The following DACH1 variants were observed in gnomAD, a reference collection of about 807,000 sequenced individuals.
DACH1 encodes the protein dachshund homolog 1.
Under a neutral mutation model 54.2 loss-of-function variants are expected in DACH1, and 12 were observed. The observed-to-expected ratio is 0.22, with a 90% CI of 0.14 to 0.36. The LOEUF (loss-of-function observed/expected upper bound fraction) is 0.36. DACH1 is among the 10% of genes least tolerant of loss of function. The pLI is 1.00. For synonymous variants in DACH1, 386 were observed against 366.2 expected (o/e 1.05, Z -0.62); for missense variants, 805 against 929.8 (o/e 0.87, Z 1.75).
At chr13:71,455,445 C>T (rs1357553381) in intron 10 of DACH1, among the ~76,000 whole-genome samples, 2 of 151,992 alleles carry the variant, frequency 1.3e-5, no homozygotes, top group African/African-American at 4.8e-5. Context: ...TCCTAGGGTG[C>T]TTTGATTGTA....
intron 1 of DACH1, among the ~76,000 whole-genome samples, chr13:71,808,626 A>G (rs1294625157): frequency 2.0e-5 from 3 of 152,198 alleles, no homozygotes; most frequent in Admixed American, 1.3e-4. Context: ...TCATTTGGTC[A>G]TTGATTTCAA....
In DACH1 at chr13:71,582,756, T is replaced by G. The variant is rs534611313; in HGVS notation, c.1127-9744A>C. Among the ~76,000 whole-genome samples the G allele has an allele frequency of 2.4e-4, 37 of 152,288 alleles. 2 individuals are homozygous for G. In the South Asian group the frequency reaches 7.5e-3, roughly 31 times the overall value. On this transcript the variant is annotated intron_variant, in intron 3 of 10. Coordinates refer to ENST00000613252, the MANE Select transcript of DACH1 (RefSeq NM_080759.6). ...TTCTGACCATAGCTTCTATTATACA[T>G]AGTAAAGACATTCTATTCGAAGCAC...
chr13:71,588,839 G>A lies in DACH1; in HGVS notation c.1127-15827C>T, dbSNP rs532254621. On this transcript the variant is annotated intron_variant, in intron 3 of 10. Transcript: ENST00000613252. ...CTCCCTTTCTTTAATTTTTTCTATAGTTATCTGCCAAAAGCAATCCATAAA... is the reference window on the plus strand; with the variant it reads ...CTCCCTTTCTTTAATTTTTTCTATAATTATCTGCCAAAAGCAATCCATAAA... Among the ~76,000 whole-genome samples, 6 of 151,806 alleles carry A rather than the reference G, an allele frequency of 4.0e-5. No homozygotes were observed. In the South Asian group the frequency reaches 1.2e-3, roughly 32 times the overall value.
At chr13:71,657,532 A>T (rs1879198591) in intron 2 of DACH1, among the ~76,000 whole-genome samples, 2 of 147,978 alleles carry the variant, frequency 1.4e-5, no homozygotes, top group African/African-American at 2.5e-5. Context: ...TTATTCTTTT[A>T]TTCTTACTCC....
At chr13:71,848,459 A>G (rs139303351) in intron 1 of DACH1, among the ~76,000 whole-genome samples, 187 of 152,320 alleles carry the variant, frequency 1.2e-3, no homozygotes, top group African/African-American at 4.2e-3. Flanking sequence ...AAGAACAAAA[A>G]TAGATTTTTC....
chr13:71,808,309 C>G (rs1408045059), intron 1 of DACH1, among the ~76,000 whole-genome samples: 1 of 152,076 alleles, frequency 6.6e-6, no homozygotes, highest in Non-Finnish European at 1.5e-5. Flanking sequence ...CATTATTCCA[C>G]AAACCTGTTT....
At chr13:71,806,296 G>T (rs1350853052) in intron 1 of DACH1, among the ~76,000 whole-genome samples, 1 of 152,040 alleles carries the variant, frequency 6.6e-6, no homozygotes, top group Non-Finnish European at 1.5e-5. Context: ...AGAGTGTTTT[G>T]CTGAGACTTA....
Position 71,866,526 on chromosome 13 carries a change from T to TGCCGCTGCCGCC in DACH1, c.243_244insGGCGGCAGCGGC (p.Gly81_Ser82insGlyGlySerGly). 8.1e-7 allele frequency: 1 copy of TGCCGCTGCCGCC among 1,233,676 alleles called. No homozygotes were observed. The highest frequency in any genetic ancestry group is 3.4e-5 in the East Asian group (1 of 29,428). The allele number at this position is 1,233,676 out of a possible 1,614,324, so 76.4% of individuals were successfully genotyped here. ...CCGCTGCTGCCGCCGCCGCCTCCGC[T>TGCCGCTGCCGCC]GCCGCCGCCGCCGCCGCCGCCGCCG... On this transcript the variant is annotated inframe_insertion, in exon 1 of 11. Coordinates refer to ENST00000613252, the MANE Select transcript of DACH1 (RefSeq NM_080759.6).
At chr13:71,802,480 G>T (rs1027488255) in intron 1 of DACH1, among the ~76,000 whole-genome samples, 2 of 151,900 alleles carry the variant, frequency 1.3e-5, no homozygotes, top group African/African-American at 4.8e-5. Context: ...GAAAGACAAA[G>T]AATTAGAAAA....
intron 10 of DACH1, among the ~76,000 whole-genome samples, chr13:71,473,735 A>C (rs1877281136): frequency 6.6e-6 from 1 of 152,156 alleles, no homozygotes; most frequent in African/African-American, 2.4e-5. Context: ...TGTGTATATC[A>C]GATGATTTAT....
intron 3 of DACH1, among the ~76,000 whole-genome samples, chr13:71,629,625 A>C (rs982192601): frequency 6.6e-6 from 1 of 152,172 alleles, no homozygotes; most frequent in Admixed American, 6.6e-5. Context: ...GAGAGCTGAC[A>C]ATTAACTTAA....
At chr13:71,607,390 G>A (rs2138507467) in intron 3 of DACH1, among the ~76,000 whole-genome samples, 1 of 151,958 alleles carries the variant, frequency 6.6e-6, no homozygotes, top group African/African-American at 2.4e-5. Context: ...GATTGTACAG[G>A]TACTAAGCCA....
At position 71,671,051 on chromosome 13, in the gene DACH1, A is replaced by G. The variant is rs1046944905; in HGVS notation, c.964+10744T>C. ...AAAGTTCAAGGTCTTTCATTTAAAT[A>G]TCTTTAGGGTTTATGTCATTGTTTT... On this transcript the variant is annotated intron_variant, in intron 2 of 10. Coordinates refer to ENST00000613252, the MANE Select transcript of DACH1 (RefSeq NM_080759.6). Among the ~76,000 whole-genome samples, 4 of 152,048 alleles carry G rather than the reference A, an allele frequency of 2.6e-5. No homozygotes were observed. In the East Asian group the frequency reaches 5.8e-4, roughly 22 times the overall value.
intron 1 of DACH1, among the ~76,000 whole-genome samples, chr13:71,702,988 G>A (rs1456873055): frequency 6.6e-6 from 1 of 152,042 alleles, no homozygotes; most frequent in Non-Finnish European, 1.5e-5. Context: ...CATATTTATT[G>A]CCATCTCAAC....
chr13:71,729,359 T>C (rs1043879027), intron 1 of DACH1, among the ~76,000 whole-genome samples: 1 of 152,062 alleles, frequency 6.6e-6, no homozygotes, highest in Admixed American at 6.5e-5. Flanking sequence ...TTTTAAGAGA[T>C]ACTTATTTAA....
intron 1 of DACH1, among the ~76,000 whole-genome samples, chr13:71,775,933 A>G (rs182602002): frequency 6.6e-6 from 1 of 152,288 alleles, no homozygotes; most frequent in East Asian, 1.9e-4. Context: ...TCATAGCACA[A>G]CTTGGTTTAG....
intron 4 of DACH1, among the ~76,000 whole-genome samples, chr13:71,570,791 C>T (rs1223829680): frequency 6.6e-6 from 1 of 152,076 alleles, no homozygotes; most frequent in Non-Finnish European, 1.5e-5. Flanking sequence ...TCATTGAGTC[C>T]TGAATTATTT....
intron 7 of DACH1, among the ~76,000 whole-genome samples, chr13:71,481,419 A>G (rs954282464): frequency 6.6e-6 from 1 of 152,224 alleles, no homozygotes; most frequent in African/African-American, 2.4e-5. Context: ...TAATTTGTGT[A>G]ATTTTATATT....
intron 6 of DACH1, among the ~76,000 whole-genome samples, chr13:71,531,843 T>C (rs962939897): frequency 7.9e-5 from 12 of 151,946 alleles, no homozygotes; most frequent in Non-Finnish European, 1.8e-4. Flanking sequence ...GGAATGCCTG[T>C]TCGATCACAT....
Sources: allele counts gnomAD v4.1 joint callset (sites outside exome capture counted in the v4.1 genomes callset), GRCh38; gene constraint gnomAD v4.1.1; transcripts MANE v1.5; gene names NCBI Gene and HGNC (gene_info 2026-07-23, HGNC 2026-07-21).